Variants in TAPT1 observed in about 807,000 individuals in gnomAD.
The protein encoded by TAPT1 is transmembrane anterior posterior transformation 1.
A neutral mutation model predicts 65.6 loss-of-function variants in TAPT1; 28 were observed. The ratio of observed to expected loss-of-function variants is 0.43; its 90% confidence interval spans 0.32 to 0.59. TAPT1 has a LOEUF of 0.59. Among genes scored for constraint, TAPT1 ranks in the 20% least tolerant of loss-of-function variants. The probability of loss-of-function intolerance (pLI) is 0.09; values close to 1 mark genes in which losing one functional copy is unlikely to be tolerated. For missense variants in TAPT1, 563 were observed against 679.9 expected (o/e 0.83, Z 1.91); for synonymous variants, 278 against 245.2 (o/e 1.13, Z -1.25).
At position 16,202,484 on chromosome 4, in the gene TAPT1, T is replaced by C. The variant is rs2149703795; in HGVS notation, c.427A>G (p.Thr143Ala). The C allele has an allele frequency of 1.3e-6, 2 of 1,549,850 alleles. No homozygotes were observed. The highest frequency in any genetic ancestry group is 1.7e-6 in the Non-Finnish European group (2 of 1,145,664). Residue 143 changes from threonine (T) to alanine (A), a missense_variant, in exon 3 of 14, where the codon ACT becomes GCT. Thr to Ala is a moderately conservative substitution (Grantham distance 58). Around this residue, in one of 5 missense-constraint regions of TAPT1, gnomAD observed 217 missense variants for 317.5 expected, o/e 0.68. Coordinates refer to ENST00000405303, the MANE Select transcript of TAPT1 (RefSeq NM_153365.3). ...TACCTTAAGCCATAGCAAGGCAAAG[T>C]GAGGAGCCTGAATAGTGCCAGGAAA... ...RVFLALFRLL[T>A]LPCYGLRDRR...
chr4:16,223,545 C>T (rs894906777), intron 1 of TAPT1, among the ~76,000 whole-genome samples: 1 of 152,192 alleles, frequency 6.6e-6, no homozygotes, highest in African/African-American at 2.4e-5. Context: ...ATTCCCAATT[C>T]TAACTATGTT....
At chr4:16,225,858 G>A (rs1234490103) in intron 1 of TAPT1, 15 of 984,946 alleles carry the variant, frequency 1.5e-5, no homozygotes, top group South Asian at 4.7e-5. Context: ...TTAAAATACA[G>A]AACAAAAAAA....
chr4:16,214,177 TTC>T (rs1276563668), intron 1 of TAPT1, among the ~76,000 whole-genome samples: 5 of 152,224 alleles, frequency 3.3e-5, no homozygotes, highest in African/African-American at 1.2e-4. Flanking sequence ...TCAGTCTTGG[TTC>T]TTACAGGTGA....
intron 1 of TAPT1, among the ~76,000 whole-genome samples, chr4:16,215,141 A>G (rs1750862927): frequency 6.6e-6 from 1 of 152,006 alleles, no homozygotes; most frequent in Non-Finnish European, 1.5e-5. Context: ...ACAAAAAAAA[A>G]TTAGCCGGGC....
chr4:16,183,034 T>C (rs1401480152), intron 7 of TAPT1: 3 of 152,324 alleles, frequency 2.0e-5, no homozygotes, highest in Admixed American at 6.5e-5. Context: ...AAATAGCCGA[T>C]ATGAGTATCC....
chr4:16,187,191 C>A (rs1469558745), intron 5 of TAPT1, among the ~76,000 whole-genome samples: 1 of 151,958 alleles, frequency 6.6e-6, no homozygotes, highest in Admixed American at 6.6e-5. Flanking sequence ...AGGAAATAGG[C>A]CCTCAAAAAA....
At chr4:16,164,420 T>C (rs2149661701) in intron 13 of TAPT1, among the ~76,000 whole-genome samples, 1 of 152,252 alleles carries the variant, frequency 6.6e-6, no homozygotes, top group South Asian at 2.1e-4. Context: ...TGTTCTCCAG[T>C]CTGTGTTCTC....
chr4:16,226,509 G>C (rs1391878890), upstream of TAPT1: 5 of 1,010,626 alleles, frequency 4.9e-6, no homozygotes, highest in East Asian at 2.7e-4. Flanking sequence ...CTCTGCCTCC[G>C]GCCGGCCCCC....
At chr4:16,189,099 C>T (rs1749198362) in intron 4 of TAPT1, among the ~76,000 whole-genome samples, 1 of 151,990 alleles carries the variant, frequency 6.6e-6, no homozygotes, top group Admixed American at 6.6e-5. Flanking sequence ...ATAAAATATG[C>T]AGATTTACTT....
At chr4:16,185,899 G>A (rs570711624) in intron 7 of TAPT1, among the ~76,000 whole-genome samples, 17 of 152,252 alleles carry the variant, frequency 1.1e-4, no homozygotes, top group African/African-American at 3.6e-4. Context: ...CATGACTTGT[G>A]CAAATGTCAC....
chr4:16,192,793 T>C (rs1428991496), intron 3 of TAPT1, among the ~76,000 whole-genome samples: 2 of 152,160 alleles, frequency 1.3e-5, no homozygotes, highest in Admixed American at 6.5e-5. Context: ...AGCTGCAGAA[T>C]CTCTTCATTT....
chr4:16,180,973 C>T (rs1468410309), intron 7 of TAPT1, among the ~76,000 whole-genome samples: 1 of 152,170 alleles, frequency 6.6e-6, no homozygotes, highest in Non-Finnish European at 1.5e-5. Context: ...AGGCAGGGCA[C>T]CTCCGGAGCA....
At chr4:16,182,776 ATGAAG>A (rs1456067837) in intron 7 of TAPT1, 27 of 152,368 alleles carry the variant, frequency 1.8e-4, no homozygotes, top group African/African-American at 6.5e-4. Flanking sequence ...TTATGTTAAA[ATGAAG>A]TGAAGAAAAG....
chr4:16,187,067 TGAAAC>T (rs1749063560), intron 5 of TAPT1, among the ~76,000 whole-genome samples, 189 bp from the exon 6 acceptor site: 1 of 152,214 alleles, frequency 6.6e-6, no homozygotes. Context: ...GCAATCCACA[TGAAAC>T]GAACAAAAGT....
At chr4:16,182,511 G>GTAACTTTA (rs1162225198) in intron 7 of TAPT1, among the ~76,000 whole-genome samples, 1 of 152,110 alleles carries the variant, frequency 6.6e-6, no homozygotes, top group Non-Finnish European at 1.5e-5. Context: ...CACTAACAGG[G>GTAACTTTA]ATATACTTTA....
At chr4:16,165,398 G>A (rs1288119535) in intron 13 of TAPT1, among the ~76,000 whole-genome samples, 3 of 151,498 alleles carry the variant, frequency 2.0e-5, no homozygotes, top group South Asian at 2.1e-4. Context: ...GTGAAACCCC[G>A]TCTCTACTAA....
chr4:16,180,076 G>C (rs1233128465), intron 7 of TAPT1, among the ~76,000 whole-genome samples: 3 of 152,108 alleles, frequency 2.0e-5, no homozygotes, highest in Non-Finnish European at 2.9e-5. Context: ...TAAAATCCCA[G>C]ACTATTTCCA....
In TAPT1 at chr4:16,174,083, G is replaced by A. The variant is rs1748173016; in HGVS notation, c.1236+121C>T. 7.1e-6 allele frequency: 6 copies of A among 842,206 alleles called. No individual in the cohort carries two copies. The South Asian group carries it at 1.1e-4, about 15-fold the overall frequency. 52.2% of individuals were successfully genotyped at this position (842,206 alleles called of 1,614,324 possible). On this transcript the variant is annotated intron_variant, in intron 11 of 13. Transcript: ENST00000405303. ...AATTTAAAACAAAATTTTCTTCCAA[G>A]TTATTTACCCTTAATTTTTATATCA...
At chr4:16,193,992 CTCAG>C (rs1299974517) in intron 3 of TAPT1, among the ~76,000 whole-genome samples, 8 of 152,292 alleles carry the variant, frequency 5.3e-5, no homozygotes, top group East Asian at 3.9e-4. Context: ...GTTGAGTGAT[CTCAG>C]TCAGAGCAAT....
Sources: gnomAD v4.1 joint callset for allele counts (sites outside exome capture counted in the v4.1 genomes callset) on GRCh38, gnomAD v4.1.1 for gene constraint, gnomAD v4.1.1 regional missense constraint, MANE v1.5 for transcripts, NCBI Gene and HGNC (gene_info 2026-07-23, HGNC 2026-07-21) for gene names.